NUP37: variants seen among roughly 807,000 people sequenced by gnomAD.
NUP37 encodes nucleoporin 37.
NUP37 carries 33 observed loss-of-function variants against 45.4 expected under a neutral mutation model. The ratio of observed to expected loss-of-function variants is 0.73; its 90% CI spans 0.55 to 0.97. The LOEUF (loss-of-function observed/expected upper bound fraction) is 0.97. Ranked by LOEUF, NUP37 falls within the 50% of genes least tolerant of loss-of-function variation. The pLI is 0.00. For synonymous variants in NUP37, 127 were observed against 130.7 expected (o/e 0.97, Z 0.19); for missense variants, 365 against 389.7 (o/e 0.94, Z 0.53).
chr12:102,088,230 T>A (rs900949500), intron 5 of NUP37, among the ~76,000 whole-genome samples: 2 of 152,220 alleles, frequency 1.3e-5, no homozygotes, highest in African/African-American at 4.8e-5. Flanking sequence ...GATAGATTCC[T>A]TAATTAAGCC....
intron 3 of NUP37, among the ~76,000 whole-genome samples, chr12:102,104,660 T>C (rs1435394268): frequency 6.6e-6 from 1 of 152,230 alleles, no homozygotes; most frequent in African/African-American, 2.4e-5. Context: ...TTTATCATTC[T>C]GCATGATACT....
At chr12:102,113,851 A>C (rs1462625503) in intron 2 of NUP37, among the ~76,000 whole-genome samples, 2 of 152,336 alleles carry the variant, frequency 1.3e-5, no homozygotes, top group East Asian at 3.9e-4. Context: ...CTCGAATGAA[A>C]TCCAAGTAGA....
chr12:102,108,808 A>G (rs1435912043), intron 3 of NUP37, among the ~76,000 whole-genome samples: 1 of 152,190 alleles, frequency 6.6e-6, no homozygotes, highest in Non-Finnish European at 1.5e-5. Context: ...AGGGTCTCCT[A>G]CGGATTTCCT....
At chr12:102,088,810 T>G (rs1237322712) in intron 5 of NUP37, among the ~76,000 whole-genome samples, 2 of 151,610 alleles carry the variant, frequency 1.3e-5, no homozygotes, top group East Asian at 1.9e-4. Flanking sequence ...GTCAGCAGAT[T>G]AACACGTGAA....
intron 2 of NUP37, 81 bp from the exon 3 acceptor site, chr12:102,112,313 CAGG>C (rs370568728): frequency 8.4e-7 from 1 of 1,184,752 alleles, no homozygotes; most frequent in Non-Finnish European, 1.2e-6. Flanking sequence ...ATGAATTTAT[CAGG>C]AGGTTATGCT....
chr12:102,107,515 T>C (rs1415067664), intron 3 of NUP37, among the ~76,000 whole-genome samples: 1 of 152,076 alleles, frequency 6.6e-6, no homozygotes, highest in Non-Finnish European at 1.5e-5. Flanking sequence ...TGGGGGAAAA[T>C]GTTTCAAGTA....
chr12:102,100,982 C>G (rs1415188376), intron 4 of NUP37, 50 bp downstream of exon 4: 1 of 1,182,342 alleles, frequency 8.5e-7, no homozygotes, highest in Non-Finnish European at 1.2e-6. Flanking sequence ...AAGCAAAAAA[C>G]AAACACGTTT....
At chr12:102,105,462 G>A (rs762295005) in intron 3 of NUP37, among the ~76,000 whole-genome samples, 12 of 152,208 alleles carry the variant, frequency 7.9e-5, no homozygotes, top group East Asian at 3.9e-4. Flanking sequence ...CCCGGGAGGC[G>A]GAGGTTGTAG....
intron 7 of NUP37, 99 bp from the exon 8 acceptor site, chr12:102,076,946 C>G: frequency 1.2e-6 from 1 of 811,928 alleles, no homozygotes; most frequent in Non-Finnish European, 2.0e-6. Context: ...ACAGAATGTC[C>G]AATGTGTTTA....
chr12:102,107,912 A>G (rs1431635138), intron 3 of NUP37, among the ~76,000 whole-genome samples: 2 of 152,210 alleles, frequency 1.3e-5, no homozygotes, highest in African/African-American at 4.8e-5. Flanking sequence ...GGGAAGGAAG[A>G]AGGCTGATTG....
intron 6 of NUP37, among the ~76,000 whole-genome samples, chr12:102,077,769 TATC>T: frequency 6.6e-6 from 1 of 152,294 alleles, no homozygotes; most frequent in South Asian, 2.1e-4. Context: ...TATATAAAAT[TATC>T]ATCAGGTCAT....
intron 3 of NUP37, among the ~76,000 whole-genome samples, chr12:102,111,891 A>T (rs905286372): frequency 1.3e-5 from 2 of 152,244 alleles, no homozygotes; most frequent in Admixed American, 1.3e-4. Context: ...GTTTGGCTCA[A>T]ACACATGGTC....
chr12:102,103,056 A>C (rs934866290), intron 3 of NUP37, among the ~76,000 whole-genome samples: 1 of 152,080 alleles, frequency 6.6e-6, no homozygotes, highest in Non-Finnish European at 1.5e-5. Flanking sequence ...TTTTTTGCTC[A>C]AAATTGCTTT....
At chr12:102,079,237 A>G (rs937117645) in intron 6 of NUP37, 27 of 455,874 alleles carry the variant, frequency 5.9e-5, no homozygotes, top group African/African-American at 5.4e-4. Context: ...GAGGATAATT[A>G]TATCAGATTC....
chr12:102,103,695 C>G (rs922826851), intron 3 of NUP37, among the ~76,000 whole-genome samples: 3 of 152,168 alleles, frequency 2.0e-5, no homozygotes, highest in African/African-American at 7.2e-5. Flanking sequence ...GGACTTATCT[C>G]TGGGATGCAA....
chr12:102,095,044 C>A (rs528273171), intron 5 of NUP37, among the ~76,000 whole-genome samples: 5 of 151,948 alleles, frequency 3.3e-5, no homozygotes, highest in Non-Finnish European at 5.9e-5. Context: ...CCCCAAAGTA[C>A]TGAATATTGG....
chr12:102,105,880 A>T (rs1282217862), intron 3 of NUP37, among the ~76,000 whole-genome samples: 2 of 151,252 alleles, frequency 1.3e-5, no homozygotes, highest in African/African-American at 4.9e-5. Context: ...AAAAAAAAAA[A>T]AGTGTCCTCA....
At chr12:102,095,862 T>C (rs1283379107) in intron 5 of NUP37, among the ~76,000 whole-genome samples, 1 of 152,060 alleles carries the variant, frequency 6.6e-6, no homozygotes, top group Non-Finnish European at 1.5e-5. Flanking sequence ...TATGACACTG[T>C]AGAACTCCAG....
intron 4 of NUP37, 29 bp from the exon 5 acceptor site, chr12:102,099,229 C>A: frequency 6.7e-7 from 1 of 1,495,348 alleles, no homozygotes; most frequent in Non-Finnish European, 9.3e-7. Flanking sequence ...GAAAGCTTAG[C>A]AAGAAAACAG....
Sources: allele counts gnomAD v4.1 joint callset (sites outside exome capture counted in the v4.1 genomes callset), GRCh38; gene constraint gnomAD v4.1.1; transcripts MANE v1.5; gene names NCBI Gene and HGNC (gene_info 2026-07-23, HGNC 2026-07-21).